DOCK3: variants seen among roughly 807,000 people sequenced by gnomAD.
DOCK3 encodes dedicator of cytokinesis 3.
In DOCK3, 60 loss-of-function variants were observed where a neutral mutation model predicts 265.6. The ratio of observed to expected loss-of-function variants is 0.23; its 90% CI spans 0.18 to 0.28. The LOEUF is 0.28. Among genes scored for constraint, DOCK3 ranks in the 10% least tolerant of loss-of-function variants. The pLI, the probability that DOCK3 is intolerant of heterozygous loss-of-function variation, is 1.00. For synonymous variants in DOCK3, 881 were observed against 938.0 expected, an observed-to-expected ratio of 0.94 and a Z score of 1.11; for missense variants, 1,981 against 2,594.3, an observed-to-expected ratio of 0.76 and a Z score of 5.14.
intron 2 of DOCK3, among the ~76,000 whole-genome samples, chr3:50,803,541 A>C (rs904259223): frequency 6.6e-6 from 1 of 151,686 alleles, no homozygotes; most frequent in African/African-American, 2.4e-5. Flanking sequence ...CTTCCACTCA[A>C]CAAAACTGCC....
chr3:50,779,320 G>A (rs1166329669), intron 2 of DOCK3, among the ~76,000 whole-genome samples: 5 of 151,920 alleles, frequency 3.3e-5, no homozygotes, highest in African/African-American at 4.8e-5. Context: ...GTATGTTTCC[G>A]TCTGATTGGC....
chr3:51,325,944 G>A (rs998723341), intron 32 of DOCK3, among the ~76,000 whole-genome samples: 25 of 151,994 alleles, frequency 1.6e-4, no homozygotes, highest in African/African-American at 5.5e-4. Flanking sequence ...GATAGCATTA[G>A]AAGAAATACC....
intron 5 of DOCK3, among the ~76,000 whole-genome samples, chr3:50,997,849 A>G (rs2078338165): frequency 6.6e-6 from 1 of 152,234 alleles, no homozygotes; most frequent in Non-Finnish European, 1.5e-5. Context: ...CAAGAAGAGA[A>G]AATTAGATGA....
At chr3:51,189,868 C>T (rs1230423196) in intron 12 of DOCK3, among the ~76,000 whole-genome samples, 3 of 152,200 alleles carry the variant, frequency 2.0e-5, no homozygotes, top group African/African-American at 7.2e-5. Context: ...ACTAATCCCA[C>T]CAGCAGTGTA....
At chr3:51,005,730 A>G (rs1420220946) in intron 5 of DOCK3, among the ~76,000 whole-genome samples, 1 of 152,072 alleles carries the variant, frequency 6.6e-6, no homozygotes, top group Non-Finnish European at 1.5e-5. Flanking sequence ...CCCTCATATA[A>G]GCCATCATCA....
At chr3:50,804,914 G>A (rs961493877) in intron 2 of DOCK3, among the ~76,000 whole-genome samples, 10 of 152,234 alleles carry the variant, frequency 6.6e-5, no homozygotes, top group African/African-American at 2.2e-4. Flanking sequence ...TTCAAATCAT[G>A]CGTTGATTTC....
At chr3:51,262,170 G>A (rs1390411700) in intron 23 of DOCK3, among the ~76,000 whole-genome samples, 1 of 152,184 alleles carries the variant, frequency 6.6e-6, no homozygotes, top group Non-Finnish European at 1.5e-5. Flanking sequence ...GAGAGCTCTG[G>A]CTGGCATCTG....
chr3:51,283,392 A>G (rs1383177822), intron 27 of DOCK3, among the ~76,000 whole-genome samples: 1 of 152,148 alleles, frequency 6.6e-6, no homozygotes, highest in African/African-American at 2.4e-5. Context: ...CAACTCTGGG[A>G]GGGGAGGAAA....
intron 21 of DOCK3, among the ~76,000 whole-genome samples, chr3:51,242,033 C>T (rs2078632780): frequency 6.6e-6 from 1 of 152,054 alleles, no homozygotes; most frequent in African/African-American, 2.4e-5. Context: ...GGTTCTTTTT[C>T]ATCTTTGTGG....
chr3:50,706,197 A>G (rs2036403674), intron 1 of DOCK3, among the ~76,000 whole-genome samples: 1 of 151,926 alleles, frequency 6.6e-6, no homozygotes, highest in African/African-American at 2.4e-5. Flanking sequence ...TTTATAAACT[A>G]CCCGATCTCA....
At chr3:50,998,209 T>C (rs1467804821) in intron 5 of DOCK3, among the ~76,000 whole-genome samples, 1 of 152,200 alleles carries the variant, frequency 6.6e-6, no homozygotes, top group Non-Finnish European at 1.5e-5. Context: ...ATTTGCGTTA[T>C]AGGTTTTCCT....
intron 3 of DOCK3, among the ~76,000 whole-genome samples, chr3:50,881,885 C>T (rs1162918190): frequency 6.6e-6 from 1 of 152,100 alleles, no homozygotes; most frequent in Admixed American, 6.6e-5. Context: ...TCTACAGTAA[C>T]CAACACAGCA....
intron 38 of DOCK3, among the ~76,000 whole-genome samples, chr3:51,345,221 C>T (rs7635095): frequency 0.035 from 5,273 of 152,214 alleles, 328 homozygotes; most frequent in African/African-American, 0.12. Flanking sequence ...GACTGATATA[C>T]GCCCCCTTGA....
chr3:51,070,464 T>C (rs2081814372), intron 6 of DOCK3, among the ~76,000 whole-genome samples: 1 of 152,074 alleles, frequency 6.6e-6, no homozygotes, highest in Non-Finnish European at 1.5e-5. Flanking sequence ...GGCCTCAGCT[T>C]CCTTGGTTAA....
At chr3:51,146,392 A>T (rs1435192651) in intron 9 of DOCK3, among the ~76,000 whole-genome samples, 157 bp from the exon 10 acceptor site, 2 of 152,212 alleles carry the variant, frequency 1.3e-5, no homozygotes, top group African/African-American at 4.8e-5. Context: ...TGGCAGGAAA[A>T]AAGAGGGTGT....
At chr3:51,053,684 G>A (rs774541758) in intron 5 of DOCK3, among the ~76,000 whole-genome samples, 44 of 152,136 alleles carry the variant, frequency 2.9e-4, no homozygotes, top group Admixed American at 1.1e-3. Context: ...GCCTCCCAAA[G>A]TTCTGGGATT....
At chr3:51,320,947 G>A (rs550041780) in intron 32 of DOCK3, among the ~76,000 whole-genome samples, 12 of 152,304 alleles carry the variant, frequency 7.9e-5, no homozygotes, top group Middle Eastern at 3.4e-3. Context: ...AGAGAGCAGC[G>A]AATCTCCCAC....
At chr3:51,006,988 G>A (rs533324808) in intron 5 of DOCK3, among the ~76,000 whole-genome samples, 24 of 152,264 alleles carry the variant, frequency 1.6e-4, no homozygotes, top group Admixed American at 6.5e-4. Flanking sequence ...ATTCCATGGC[G>A]TATGTGTGCC....
Position 51,380,188 on chromosome 3 carries a change from C to G in DOCK3, c.5564C>G (p.Pro1855Arg). ...HPLGDTPPALPARTLRKSPLH... is the reference protein window; with the variant it reads ...HPLGDTPPALRARTLRKSPLH... ...CTGGGTGATACCCCCCCAGCCCTCC[C>G]TGCCCGGACCCTGCGCAAGGTAATG... Residue 1855 changes from proline to arginine, a missense_variant, in exon 52 of 53, where the codon CCT (proline) becomes CGT (arginine). Physicochemically the swap from Pro to Arg is moderately radical, Grantham distance 103 (BLOSUM62 -2). This residue lies in a region of DOCK3 where 1,357 missense variants were observed against 1,866.8 expected (regional missense o/e 0.73). Transcript: ENST00000266037. 1.9e-6 allele frequency: 3 copies of G among 1,613,282 alleles called. No homozygotes were observed. The highest frequency in any genetic ancestry group is 2.5e-6 in the Non-Finnish European group (3 of 1,179,454).
Sources: gnomAD v4.1 joint callset for allele counts (sites outside exome capture counted in the v4.1 genomes callset) on GRCh38, gnomAD v4.1.1 for gene constraint, gnomAD v4.1.1 regional missense constraint, MANE v1.5 for transcripts, NCBI Gene and HGNC (gene_info 2026-07-23, HGNC 2026-07-21) for gene names.